The following EPB41L2 variants were observed in gnomAD, a reference collection of about 807,000 sequenced individuals.
EPB41L2 encodes erythrocyte membrane protein band 4.1 like 2.
In EPB41L2, 43 loss-of-function variants were observed where a neutral mutation model predicts 113.0. That is an observed-to-expected ratio of 0.38 (90% CI 0.30 to 0.49). The LOEUF is 0.49. EPB41L2 is among the 20% of genes least tolerant of loss of function. The probability of loss-of-function intolerance (pLI) is 0.95; values close to 1 mark genes in which losing one functional copy is unlikely to be tolerated. For missense variants in EPB41L2, 1,147 were observed against 1,223.4 expected (o/e 0.94, Z 0.93); for synonymous variants, 442 against 436.7 (o/e 1.01, Z -0.15).
At position 130,890,475 on chromosome 6, in the gene EPB41L2, GGAAAA is replaced by G. The variant is rs766489066; in HGVS notation, c.1488-14_1488-10del. On this transcript the variant is annotated splice_polypyrimidine_tract_variant and intron_variant, in intron 10 of 19. Transcript: ENST00000337057. ...GCTCTGGAGAAACAAGCCTATGGGAGGAAAAAAAAAAAAAAAGAGAGAGAGAAAGG... is the reference window on the plus strand; with the variant it reads ...GCTCTGGAGAAACAAGCCTATGGGAGAAAAAAAAAAAGAGAGAGAGAAAGG... 88 of 1,179,592 alleles carry G rather than the reference GGAAAA, an allele frequency of 7.5e-5. No homozygotes were observed. The highest frequency in any genetic ancestry group is 7.1e-4 in the Admixed American group (17 of 24,070). The allele number at this position is 1,179,592 out of a possible 1,614,324, so 73.1% of individuals were successfully genotyped here.
At chr6:130,887,428 C>T (rs898063327) in intron 11 of EPB41L2, among the ~76,000 whole-genome samples, 2 of 152,136 alleles carry the variant, frequency 1.3e-5, no homozygotes, top group Non-Finnish European at 2.9e-5. Context: ...AAAGATAACG[C>T]TGTGCTCTTG....
chr6:130,915,449 A>T (rs1255758086), intron 4 of EPB41L2, among the ~76,000 whole-genome samples: 1 of 152,242 alleles, frequency 6.6e-6, no homozygotes, highest in African/African-American at 2.4e-5. Flanking sequence ...GGAACATAGC[A>T]GAAAAAAACC....
intron 1 of EPB41L2, among the ~76,000 whole-genome samples, chr6:131,031,490 A>C (rs1792148276): frequency 6.6e-6 from 1 of 152,212 alleles, no homozygotes. Flanking sequence ...TATTAGAATT[A>C]TCTTATTTAA....
chr6:130,863,768 T>G (rs1455874537), intron 17 of EPB41L2, 50 bp from the exon 18 acceptor site: 1 of 1,349,846 alleles, frequency 7.4e-7, no homozygotes, highest in African/African-American at 1.4e-5. Context: ...CTGAAGCACG[T>G]TTACACAGTC....
intron 15 of EPB41L2, chr6:130,867,810 A>C: frequency 2.1e-6 from 1 of 480,560 alleles, no homozygotes; most frequent in Non-Finnish European, 3.8e-6. Context: ...ACGTACATAT[A>C]TATGAATGTG....
intron 1 of EPB41L2, chr6:131,015,950 A>G (rs1016103796): frequency 1.3e-5 from 2 of 152,174 alleles, no homozygotes; most frequent in South Asian, 4.1e-4. Flanking sequence ...AAGGTCCTTC[A>G]TGTGTCTAAA....
chr6:130,946,055 G>A (rs1812696524), intron 3 of EPB41L2, among the ~76,000 whole-genome samples: 1 of 152,090 alleles, frequency 6.6e-6, no homozygotes, highest in Non-Finnish European at 1.5e-5. Context: ...AAGTTATAAA[G>A]TTTCTTCATT....
chr6:130,872,347 C>T (rs1786013420), intron 14 of EPB41L2: 1 of 1,264,622 alleles, frequency 7.9e-7, no homozygotes. Flanking sequence ...CTTTTAGTAA[C>T]AGGGGAAACA....
intron 5 of EPB41L2, among the ~76,000 whole-genome samples, chr6:130,908,167 T>C (rs1013108067): frequency 2.0e-5 from 3 of 152,166 alleles, no homozygotes; most frequent in Non-Finnish European, 2.9e-5. Flanking sequence ...GCAGAACGTA[T>C]AGAGAGAACT....
chr6:130,969,425 G>A (rs1285361591), intron 1 of EPB41L2, among the ~76,000 whole-genome samples: 2 of 152,114 alleles, frequency 1.3e-5, no homozygotes, highest in Non-Finnish European at 2.9e-5. Context: ...CTGCTAGACT[G>A]TTAGATTATA....
At chr6:130,878,465 C>G in intron 13 of EPB41L2, 1 of 464,600 alleles carries the variant, frequency 2.2e-6, no homozygotes, top group Non-Finnish European at 3.7e-6. Flanking sequence ...ATGCGTACTT[C>G]TTCAATGATT....
chr6:130,899,239 G>A (rs1236689822), intron 8 of EPB41L2, among the ~76,000 whole-genome samples: 1 of 151,974 alleles, frequency 6.6e-6, no homozygotes, highest in Non-Finnish European at 1.5e-5. Context: ...CTGACAAGGT[G>A]TGTCATAGTA....
At chr6:130,949,251 T>C (rs1374714606) in intron 3 of EPB41L2, among the ~76,000 whole-genome samples, 2 of 152,082 alleles carry the variant, frequency 1.3e-5, no homozygotes, top group African/African-American at 2.4e-5. Flanking sequence ...TAAACACAAA[T>C]GCACACACTT....
At chr6:130,876,257 C>A (rs1787529774) in intron 14 of EPB41L2, among the ~76,000 whole-genome samples, 1 of 152,164 alleles carries the variant, frequency 6.6e-6, no homozygotes, top group South Asian at 2.1e-4. Flanking sequence ...AAAAATCTTA[C>A]AAGTGAAAAC....
At chr6:131,060,579 G>A (rs1335237520) in intron 1 of EPB41L2, among the ~76,000 whole-genome samples, 6 of 152,162 alleles carry the variant, frequency 3.9e-5, no homozygotes, top group African/African-American at 1.4e-4. Flanking sequence ...CCACAAGAAT[G>A]TTACGTTAAG....
chr6:130,994,800 G>A (rs60215702), intron 1 of EPB41L2, among the ~76,000 whole-genome samples: 4 of 152,078 alleles, frequency 2.6e-5, no homozygotes, highest in Admixed American at 2.0e-4. Context: ...CCTGACTCCC[G>A]TTCTTTTTAA....
chr6:130,949,160 C>A (rs1169036897), intron 3 of EPB41L2, among the ~76,000 whole-genome samples: 1 of 152,048 alleles, frequency 6.6e-6, no homozygotes, highest in Non-Finnish European at 1.5e-5. Context: ...TTATTTAGAC[C>A]ACATTCTGAC....
chr6:130,902,341 A>G lies in EPB41L2; in HGVS notation c.930-1161T>C, dbSNP rs17059801. 0.02 allele frequency among the ~76,000 whole-genome samples: 3,018 copies of G among 152,268 alleles called. 196 individuals are homozygous for G. The East Asian group carries it at 0.26, about 13-fold the overall frequency. Reference sequence around the variant, plus strand: ...TGGGTCAGAGAGCACAACCCAGCACATGGGGCCAGGTCAGTTCAGAACCTG... The same window carrying G: ...TGGGTCAGAGAGCACAACCCAGCACGTGGGGCCAGGTCAGTTCAGAACCTG... On this transcript the variant is annotated intron_variant, in intron 6 of 19. Transcript: ENST00000337057.
chr6:131,006,304 G>A (rs1414343576), intron 1 of EPB41L2, among the ~76,000 whole-genome samples: 1 of 151,272 alleles, frequency 6.6e-6, no homozygotes, highest in East Asian at 2.0e-4. Context: ...TGATCTGCCT[G>A]CCTCTGCCTC....
Sources: allele counts gnomAD v4.1 joint callset (sites outside exome capture counted in the v4.1 genomes callset), GRCh38; gene constraint gnomAD v4.1.1; transcripts MANE v1.5; gene names NCBI Gene and HGNC (gene_info 2026-07-23, HGNC 2026-07-21).